The following PLCG2 variants were observed in gnomAD, a reference collection of about 807,000 sequenced individuals.
PLCG2 encodes 1-phosphatidylinositol 4,5-bisphosphate phosphodiesterase gamma-2.
A neutral mutation model predicts 175.6 loss-of-function variants in PLCG2; 69 were observed. The ratio of observed to expected loss-of-function variants is 0.39; its 90% CI spans 0.32 to 0.48. The LOEUF (loss-of-function observed/expected upper bound fraction) is 0.48. Among genes scored for constraint, PLCG2 ranks in the 20% least tolerant of loss-of-function variants. The probability of loss-of-function intolerance (pLI) is 0.91; values close to 1 mark genes in which losing one functional copy is unlikely to be tolerated. For synonymous variants in PLCG2, 827 were observed against 624.0 expected, an observed-to-expected ratio of 1.33 and a Z score of -4.85; for missense variants, 1,798 against 1,650.9, an observed-to-expected ratio of 1.09 and a Z score of -1.54.
At chr16:81,952,823 G>C (rs1212273887) in intron 31 of PLCG2, among the ~76,000 whole-genome samples, 1 of 152,198 alleles carries the variant, frequency 6.6e-6, no homozygotes, top group South Asian at 2.1e-4. Context: ...AATGCAAAAT[G>C]AAAGTTGGAG....
At chr16:81,812,915 C>T (rs1487034209) in intron 2 of PLCG2, among the ~76,000 whole-genome samples, 1 of 152,104 alleles carries the variant, frequency 6.6e-6, no homozygotes, top group African/African-American at 2.4e-5. Context: ...TTCCCAACAC[C>T]ATTTATTAAG....
chr16:81,846,334 A>G (rs1906115479), intron 2 of PLCG2, among the ~76,000 whole-genome samples: 2 of 152,150 alleles, frequency 1.3e-5, no homozygotes, highest in African/African-American at 2.4e-5. Flanking sequence ...GGTGAAGCCC[A>G]TCCCTAAGTG....
chr16:81,822,630 A>C (rs1356034756), intron 2 of PLCG2, among the ~76,000 whole-genome samples: 1 of 151,934 alleles, frequency 6.6e-6, no homozygotes, highest in Non-Finnish European at 1.5e-5. Context: ...GGTGGCGTGT[A>C]CCTGTAATCC....
chr16:81,739,425 G>A (rs1273740005), intron 1 of PLCG2: 1 of 152,062 alleles, frequency 6.6e-6, no homozygotes, highest in Non-Finnish European at 1.5e-5. Context: ...TTTTCCGCTC[G>A]AGTGGAGCCT....
chr16:81,784,666 T>A (rs896273581), intron 1 of PLCG2, among the ~76,000 whole-genome samples: 4 of 152,238 alleles, frequency 2.6e-5, no homozygotes, highest in African/African-American at 9.6e-5. Flanking sequence ...TAAGGAGTGC[T>A]GACTTTGTAT....
At chr16:81,894,120 C>G (rs12931309) in intron 12 of PLCG2, among the ~76,000 whole-genome samples, 76,967 of 151,744 alleles carry the variant, frequency 0.51, 21,458 homozygotes, top group East Asian at 0.78. Context: ...TGGGGGGTCT[C>G]TGAGCAAATG....
chr16:81,746,080 C>T (rs2143054205), intron 1 of PLCG2, among the ~76,000 whole-genome samples: 1 of 152,234 alleles, frequency 6.6e-6, no homozygotes, highest in East Asian at 1.9e-4. Context: ...CCCTAGAAAA[C>T]TCAATAGGCA....
intron 30 of PLCG2, among the ~76,000 whole-genome samples, chr16:81,945,159 A>T (rs999253393): frequency 4.6e-5 from 7 of 152,236 alleles, no homozygotes; most frequent in African/African-American, 1.7e-4. Flanking sequence ...AAAGTGAGAG[A>T]TTCAGTGGAT....
intron 1 of PLCG2, among the ~76,000 whole-genome samples, chr16:81,746,939 C>G (rs988020456): frequency 2.0e-5 from 3 of 152,056 alleles, no homozygotes; most frequent in Non-Finnish European, 2.9e-5. Flanking sequence ...TAAATTCCAG[C>G]CAAAATTCAT....
In PLCG2 at chr16:81,917,091, C is replaced by G. The variant is rs34456557; in HGVS notation, c.2055-2393C>G. ...GGACCCTGGTAACCACCATTCTACT[C>G]TCCACTTCCGTGAGTTTAAACCTTT... On this transcript the variant is annotated intron_variant, in intron 19 of 32. Transcript: ENST00000564138. Among the ~76,000 whole-genome samples, 9 of 152,330 alleles carry G rather than the reference C, an allele frequency of 5.9e-5. No individual in the cohort carries two copies. In the South Asian group the frequency reaches 1.9e-3, roughly 32 times the overall value.
chr16:81,860,073 C>T (rs965880497), intron 5 of PLCG2, among the ~76,000 whole-genome samples: 8 of 151,660 alleles, frequency 5.3e-5, no homozygotes, highest in Admixed American at 2.6e-4. Context: ...TGGGCTCAAA[C>T]GATCCTCCCG....
intron 2 of PLCG2, among the ~76,000 whole-genome samples, chr16:81,800,162 A>T (rs1416415592): frequency 6.6e-6 from 1 of 152,150 alleles, no homozygotes; most frequent in Non-Finnish European, 1.5e-5. Flanking sequence ...TACCTGGCAA[A>T]TATCCCAAGC....
intron 2 of PLCG2, among the ~76,000 whole-genome samples, chr16:81,838,293 C>G (rs1477761599): frequency 2.0e-5 from 3 of 152,038 alleles, no homozygotes; most frequent in Non-Finnish European, 4.4e-5. Context: ...CACCATGTTT[C>G]CCAGGCAGGT....
chr16:81,909,584 C>T (rs28481521), intron 17 of PLCG2, among the ~76,000 whole-genome samples: 30,440 of 152,080 alleles, frequency 0.2, 4,045 homozygotes, highest in African/African-American at 0.37. Context: ...ACCTGAATAA[C>T]TTTTAAATTT....
intron 2 of PLCG2, among the ~76,000 whole-genome samples, chr16:81,845,745 C>T (rs1906082259): frequency 6.6e-6 from 1 of 152,224 alleles, no homozygotes; most frequent in Admixed American, 6.5e-5. Context: ...CCAAGATGCC[C>T]CTGCCTGATG....
intron 30 of PLCG2, among the ~76,000 whole-genome samples, chr16:81,942,830 A>T (rs1225179088): frequency 6.6e-6 from 1 of 151,240 alleles, no homozygotes. Context: ...GGGTGCTCAA[A>T]GCCAGATGCA....
At chr16:81,876,848 G>T (rs530768201) in intron 7 of PLCG2, among the ~76,000 whole-genome samples, 70 of 152,278 alleles carry the variant, frequency 4.6e-4, no homozygotes, top group Middle Eastern at 6.8e-3. Context: ...CTGCCTCCAC[G>T]GTGCACCCGT....
intron 30 of PLCG2, among the ~76,000 whole-genome samples, chr16:81,942,441 GCCTGGCACA>G (rs1910982229): frequency 6.6e-6 from 1 of 152,192 alleles, no homozygotes; most frequent in African/African-American, 2.4e-5. Flanking sequence ...TCCTAGCAGT[GCCTGGCACA>G]TCCATATTCA....
intron 1 of PLCG2, among the ~76,000 whole-genome samples, chr16:81,750,527 T>C (rs561371594): frequency 2.0e-5 from 3 of 152,032 alleles, no homozygotes; most frequent in Non-Finnish European, 4.4e-5. Flanking sequence ...GTCAGGTTCA[T>C]TGCAGCATCA....
Sources: gnomAD v4.1 joint callset for allele counts (sites outside exome capture counted in the v4.1 genomes callset) on GRCh38, gnomAD v4.1.1 for gene constraint, MANE v1.5 for transcripts, NCBI Gene and HGNC (gene_info 2026-07-23, HGNC 2026-07-21) for gene names.